The following IFT172 variants were observed in gnomAD, a reference collection of about 807,000 sequenced individuals.
IFT172 encodes intraflagellar transport protein 172 homolog.
A neutral mutation model predicts 248.9 loss-of-function variants in IFT172; 164 were observed. The observed-to-expected ratio is 0.66, with a 90% CI of 0.58 to 0.75. The LOEUF (loss-of-function observed/expected upper bound fraction) is 0.75. Ranked by LOEUF, IFT172 falls within the 30% of genes least tolerant of loss-of-function variation. The pLI is 0.00. For missense variants in IFT172, 1,950 were observed against 2,192.4 expected (o/e 0.89, Z 2.21); for synonymous variants, 729 against 791.6 (o/e 0.92, Z 1.33).
Position 27,465,976 on chromosome 2 carries a change from T to A in IFT172, c.1693-94A>T, listed in dbSNP as rs1040805860. 4.9e-6 allele frequency: 7 copies of A among 1,431,796 alleles called. No individual in the cohort carries two copies. In the African/African-American group the frequency reaches 7.1e-5, roughly 14 times the overall value. The allele number at this position is 1,431,796 out of a possible 1,614,324, so 88.7% of individuals were successfully genotyped here. A position where few individuals can be genotyped will look rare whatever the true frequency, so the allele number is the denominator to read the frequency against. ...ACCCACCCTCATCCGACCCAGTCAG[T>A]GGTCAAGAGAGTCACAGCGGCCCTG... On this transcript the variant is annotated intron_variant, in intron 16 of 47. Coordinates refer to ENST00000260570, the MANE Select transcript of IFT172 (RefSeq NM_015662.3).
chr2:27,470,714 T>C, intron 16 of IFT172: 1 of 430,196 alleles, frequency 2.3e-6, no homozygotes, highest in Non-Finnish European at 4.0e-6. Flanking sequence ...GGGGCCACTG[T>C]AATGAACCCA....
Position 27,449,534 on chromosome 2 carries a change from T to C in IFT172, c.4189A>G (p.Lys1397Glu). 3 of 1,614,224 alleles carry C rather than the reference T, an allele frequency of 1.9e-6. No individual in the cohort carries two copies. The highest frequency in any genetic ancestry group is 2.5e-6 in the Non-Finnish European group (3 of 1,180,040). ...TTGCCCTGATTCTTGAGGAACTCTT[T>C]ATAATGCTGGTCCACATAGTCTTCA... ...RYEDYVDQHY[K>E]EFLKNQGKVD... The change falls in exon 38 of 48, where the codon AAA (lysine) becomes GAA (glutamate). Residue 1397 changes from lysine to glutamate, a missense_variant. This residue lies in a region of IFT172 where 620 missense variants were observed against 699.0 expected (regional missense o/e 0.89). Coordinates refer to ENST00000260570, the MANE Select transcript of IFT172 (RefSeq NM_015662.3).
chr2:27,449,546 C>T lies in IFT172; in HGVS notation c.4177G>A (p.Asp1393Asn), dbSNP rs558148933. The part of the protein sequence containing the change: ...ELDPRYEDYV[D>N]QHYKEFLKNQ... Reference sequence around the variant, plus strand: ...TTGAGGAACTCTTTATAATGCTGGTCCACATAGTCTTCATACCTGTGAAGA... The same window carrying T: ...TTGAGGAACTCTTTATAATGCTGGTTCACATAGTCTTCATACCTGTGAAGA... Residue 1393 changes from aspartate (D) to asparagine (N), a missense_variant, in exon 38 of 48, where the codon GAC becomes AAC. Physicochemically the swap from Asp to Asn is conservative, Grantham distance 23. Transcript: ENST00000260570. 11 of 1,614,180 alleles carry T rather than the reference C, an allele frequency of 6.8e-6. No individual in the cohort carries two copies. In the African/African-American group the frequency reaches 1.1e-4, roughly 16 times the overall value.
intron 42 of IFT172, among the ~76,000 whole-genome samples, chr2:27,446,825 G>A (rs1290536460): frequency 1.3e-5 from 2 of 150,580 alleles, no homozygotes; most frequent in African/African-American, 4.9e-5. Context: ...TCAGCCTCCC[G>A]AGTAGCTGGG....
At chr2:27,448,649 G>A (rs1304171194) in intron 40 of IFT172, among the ~76,000 whole-genome samples, 1 of 152,128 alleles carries the variant, frequency 6.6e-6, no homozygotes, top group Non-Finnish European at 1.5e-5. Context: ...TGAAAGACAG[G>A]TGCCTGTGTA....
intron 18 of IFT172, among the ~76,000 whole-genome samples, chr2:27,464,971 G>A (rs936752809): frequency 6.6e-6 from 1 of 151,340 alleles, no homozygotes; most frequent in Non-Finnish European, 1.5e-5. Context: ...ACCCAGGCTG[G>A]AGTACAGTGG....
At position 27,450,090 on chromosome 2, in the gene IFT172, C is replaced by A. The variant is rs769830338; in HGVS notation, c.3958G>T (p.Glu1320Ter). The stretch of plus-strand genomic sequence containing the variant: ...GGAGGCAGAAACTTGATGGAGAGTT[C>A]AGCTGCCTGAGTGGTTGAACAGAAG... ...LAEKCWMKAA[E>*]LSIKFLPPQR... is the part of the protein sequence containing the mutation. Residue 1320 changes from glutamate (E) to a stop codon, truncating the protein, a stop_gained, in exon 36 of 48, where the codon GAA becomes TAA. Coordinates refer to ENST00000260570, the MANE Select transcript of IFT172 (RefSeq NM_015662.3). LOFTEE classifies it high-confidence loss of function. 6.2e-7 allele frequency: 1 copy of A among 1,613,516 alleles called. No individual in the cohort carries two copies. The highest frequency in any genetic ancestry group is 1.3e-5 in the African/African-American group (1 of 74,896).
Position 27,485,077 on chromosome 2 carries a change from A to G in IFT172, c.237T>C (p.Thr79=), listed in dbSNP as rs1668659406. The change falls in exon 3 of 48, where the codon ACT becomes ACC. Residue 79 remains threonine (T), a synonymous_variant. Coordinates refer to ENST00000260570, the MANE Select transcript of IFT172 (RefSeq NM_015662.3). ...TGTCAGTCTGTCCTATGGCAATTTTAGTGGAATCAGGAGAAAAAGCCATGC... is the reference window on the plus strand; with the variant it reads ...TGTCAGTCTGTCCTATGGCAATTTTGGTGGAATCAGGAGAAAAAGCCATGC... The part of the protein sequence containing the change: ...VKGMAFSPDS[T]KIAIGQTDNI... 7 of 1,611,122 alleles carry G rather than the reference A, an allele frequency of 4.3e-6. No individual in the cohort carries two copies. The highest frequency in any genetic ancestry group is 5.9e-6 in the Non-Finnish European group (7 of 1,177,476).
chr2:27,479,305 A>G (rs985230076), intron 10 of IFT172, among the ~76,000 whole-genome samples: 7 of 152,198 alleles, frequency 4.6e-5, no homozygotes, highest in Admixed American at 3.9e-4. Flanking sequence ...GTGTCCAGCC[A>G]AAACTTTTCT....
chr2:27,477,150 A>G, intron 13 of IFT172, 67 bp downstream of exon 13: 13 of 1,374,022 alleles, frequency 9.5e-6, no homozygotes, highest in Non-Finnish European at 1.0e-5. Flanking sequence ...ACTGGAGGAC[A>G]CAGAATTTAG....
At chr2:27,483,401 T>C (rs1277658078) in intron 6 of IFT172, 25 bp from the exon 7 acceptor site, 2 of 1,508,052 alleles carry the variant, frequency 1.3e-6, no homozygotes, top group East Asian at 4.5e-5. Context: ...AGGAGAGAAA[T>C]ACAGGAAGAG....
Position 27,446,311 on chromosome 2 carries a change from G to T in IFT172, c.4704C>A (p.Thr1568=). 6.2e-7 allele frequency: 1 copy of T among 1,614,210 alleles called. No individual in the cohort carries two copies. Among genetic ancestry groups the T allele is most frequent in the Non-Finnish European group, 8.5e-7 (1 of 1,180,044 alleles). The change falls in exon 43 of 48, where the codon ACC becomes ACA. Residue 1568 remains threonine, a synonymous_variant. Coordinates refer to ENST00000260570, the MANE Select transcript of IFT172 (RefSeq NM_015662.3). ...ARLSVSLLRH[T]QLLPVDKAFY... is the part of the protein sequence containing the mutation. Reference sequence around the variant, plus strand: ...AGGCTTTGTCTACAGGTAGTAGCTGGGTGTGACGCAAGAGTGAAACAGAAA... The same window carrying T: ...AGGCTTTGTCTACAGGTAGTAGCTGTGTGTGACGCAAGAGTGAAACAGAAA...
chr2:27,459,795 C>G lies in IFT172; in HGVS notation c.2556G>C (p.Glu852Asp). The G allele has an allele frequency of 1.2e-6, 2 of 1,612,802 alleles. No individual in the cohort carries two copies. The highest frequency in any genetic ancestry group is 1.7e-6 in the Non-Finnish European group (2 of 1,180,046). Reference sequence around the variant, plus strand: ...CCCATGCCTCCTCTAGTTTCACCACCTCCACTGGGAAGGCCAATCGAGCCA... The same window carrying G: ...CCCATGCCTCCTCTAGTTTCACCACGTCCACTGGGAAGGCCAATCGAGCCA... ...VELARLAFPVEVVKLEEAWGD... is the reference protein window; with the variant it reads ...VELARLAFPVDVVKLEEAWGD... The change falls in exon 24 of 48, where the codon GAG becomes GAC. Residue 852 changes from glutamate to aspartate, a missense_variant. Physicochemically the swap from Glu to Asp is conservative, Grantham distance 45. Around this residue, in one of 3 missense-constraint regions of IFT172, gnomAD observed 1,166 missense variants for 1,254.1 expected, o/e 0.93. Coordinates refer to ENST00000260570, the MANE Select transcript of IFT172 (RefSeq NM_015662.3).
chr2:27,482,882 TTC>T (rs2148554796), intron 7 of IFT172, among the ~76,000 whole-genome samples: 1 of 152,266 alleles, frequency 6.6e-6, no homozygotes, highest in African/African-American at 2.4e-5. Context: ...ATCCAACTTT[TTC>T]TCTGTCCCTG....
intron 10 of IFT172, among the ~76,000 whole-genome samples, chr2:27,478,415 T>C (rs995316808): frequency 1.3e-5 from 2 of 152,240 alleles, no homozygotes; most frequent in Non-Finnish European, 2.9e-5. Context: ...AACCAATCAC[T>C]CTATGTTCTC....
At chr2:27,444,733 T>C (rs1204964768) in intron 47 of IFT172, among the ~76,000 whole-genome samples, 2 of 152,156 alleles carry the variant, frequency 1.3e-5, no homozygotes, top group East Asian at 3.9e-4. Context: ...CTGCAACCTC[T>C]GCCTCTCGGG....
chr2:27,480,864 AG>A (rs1296745144), intron 8 of IFT172, among the ~76,000 whole-genome samples, 181 bp downstream of exon 8: 4 of 152,206 alleles, frequency 2.6e-5, no homozygotes, highest in Non-Finnish European at 5.9e-5. Flanking sequence ...ACAAGAGCCC[AG>A]GACATTTTGG....
At chr2:27,458,362 T>C (rs930385152) in intron 26 of IFT172, 139 bp from the exon 27 acceptor site, 12 of 706,242 alleles carry the variant, frequency 1.7e-5, no homozygotes, top group African/African-American at 3.5e-5. Flanking sequence ...ACTAGTGAGG[T>C]TGGGGAATTC....
chr2:27,465,550 T>C lies in IFT172; in HGVS notation c.1830-32A>G, dbSNP rs527461678. Reference sequence around the variant, plus strand: ...AGGGAAGGAAGCAAAGCATAATGAATGAGGAATGGGTTAGGAAGATACAGC... The same window carrying C: ...AGGGAAGGAAGCAAAGCATAATGAACGAGGAATGGGTTAGGAAGATACAGC... On this transcript the variant is annotated intron_variant, in intron 17 of 47. Coordinates refer to ENST00000260570, the MANE Select transcript of IFT172 (RefSeq NM_015662.3). The C allele has an allele frequency of 1.9e-6, 3 of 1,604,458 alleles. No individual in the cohort carries two copies. The South Asian group carries it at 3.3e-5, about 18-fold the overall frequency.
Sources: gnomAD v4.1 joint callset for allele counts (sites outside exome capture counted in the v4.1 genomes callset) on GRCh38, gnomAD v4.1.1 for gene constraint, gnomAD v4.1.1 regional missense constraint, MANE v1.5 for transcripts, NCBI Gene and HGNC (gene_info 2026-07-23, HGNC 2026-07-21) for gene names.